The following WWOX variants were observed in gnomAD, a reference collection of about 807,000 sequenced individuals.
WWOX encodes WW domain containing oxidoreductase, also known as WW domain-containing oxidoreductase.
WWOX carries 69 observed loss-of-function variants against 46.2 expected under a neutral mutation model. The observed-to-expected ratio is 1.49, with a 90% CI of 1.23 to 1.82. WWOX has a LOEUF of 1.82. Ranked by LOEUF, WWOX falls within the 40% of genes most tolerant of loss-of-function variation. WWOX has a pLI of 0.00. For missense variants in WWOX, 919 were observed against 542.6 expected, an observed-to-expected ratio of 1.69 and a Z score of -6.89; for synonymous variants, 359 against 202.6, an observed-to-expected ratio of 1.77 and a Z score of -6.56.
intron 8 of WWOX, among the ~76,000 whole-genome samples, chr16:79,009,888 C>G (rs574122542): frequency 1.5e-4 from 23 of 152,266 alleles, no homozygotes; most frequent in African/African-American, 5.5e-4. Context: ...TGAGTCCTGA[C>G]CTGAGCTTTG....
At chr16:78,690,350 A>G (rs112840132) in intron 8 of WWOX, among the ~76,000 whole-genome samples, 154 of 152,244 alleles carry the variant, frequency 1.0e-3, no homozygotes, top group African/African-American at 3.5e-3. Context: ...GAATTGTTCA[A>G]GACTGCCCTG....
chr16:78,920,882 A>G (rs1480847630), intron 8 of WWOX, among the ~76,000 whole-genome samples: 1 of 152,218 alleles, frequency 6.6e-6, no homozygotes, highest in Non-Finnish European at 1.5e-5. Flanking sequence ...CGATGAGCAA[A>G]TGATTCCAAT....
At chr16:78,677,446 C>G (rs2047628040) in intron 8 of WWOX, among the ~76,000 whole-genome samples, 1 of 152,106 alleles carries the variant, frequency 6.6e-6, no homozygotes, top group Non-Finnish European at 1.5e-5. Flanking sequence ...AGAAGTTTCA[C>G]AAAAAAAATT....
At chr16:79,161,671 A>G (rs1209175889) in intron 8 of WWOX, among the ~76,000 whole-genome samples, 1 of 151,984 alleles carries the variant, frequency 6.6e-6, no homozygotes, top group Non-Finnish European at 1.5e-5. Flanking sequence ...TACACCCACC[A>G]CCATGCCCGG....
intron 8 of WWOX, among the ~76,000 whole-genome samples, chr16:78,658,161 T>A (rs1472212975): frequency 6.6e-6 from 1 of 152,172 alleles, no homozygotes; most frequent in African/African-American, 2.4e-5. Flanking sequence ...CAAAAACATT[T>A]GTAGATACTG....
At chr16:79,004,451 C>A (rs902011510) in intron 8 of WWOX, 1 of 152,252 alleles carries the variant, frequency 6.6e-6, no homozygotes. Flanking sequence ...GGCAAAGCTG[C>A]GGTCAGAGGC....
chr16:78,956,755 G>T (rs1266189968), intron 8 of WWOX, among the ~76,000 whole-genome samples: 1 of 152,066 alleles, frequency 6.6e-6, no homozygotes, highest in Admixed American at 6.5e-5. Context: ...CAAGAAATTT[G>T]GGATCTGCTG....
chr16:79,069,556 A>AG (rs1454963182), intron 8 of WWOX, among the ~76,000 whole-genome samples: 2 of 136,776 alleles, frequency 1.5e-5, no homozygotes, highest in South Asian at 2.3e-4. Context: ...CTTTATTGGT[A>AG]GGTTTTTTTT....
chr16:78,491,627 T>C (rs1179764003), intron 8 of WWOX, among the ~76,000 whole-genome samples: 2 of 152,142 alleles, frequency 1.3e-5, no homozygotes, highest in Non-Finnish European at 2.9e-5. Flanking sequence ...CACACCTGGC[T>C]ACCGTGTCTT....
At chr16:78,658,130 T>C (rs1306604505) in intron 8 of WWOX, among the ~76,000 whole-genome samples, 1 of 152,152 alleles carries the variant, frequency 6.6e-6, no homozygotes, top group East Asian at 1.9e-4. Flanking sequence ...GCATCTTCTA[T>C]TTCCTCAAGT....
intron 1 of WWOX, among the ~76,000 whole-genome samples, chr16:78,108,053 C>A (rs980746226): frequency 1.3e-5 from 2 of 151,588 alleles, no homozygotes; most frequent in South Asian, 2.1e-4. Context: ...CTCAGCCTCC[C>A]GAGTAGCTGG....
At chr16:78,431,822 T>A (rs1010511752) in intron 7 of WWOX, among the ~76,000 whole-genome samples, 3 of 152,014 alleles carry the variant, frequency 2.0e-5, no homozygotes, top group Admixed American at 6.6e-5. Context: ...GCTGAAGCGA[T>A]CCTCCTGCCT....
At chr16:78,561,677 G>A (rs1435265243) in intron 8 of WWOX, among the ~76,000 whole-genome samples, 1 of 152,098 alleles carries the variant, frequency 6.6e-6, no homozygotes, top group Admixed American at 6.5e-5. Context: ...GGGGGTAATT[G>A]AAGAAGATAT....
At chr16:78,822,669 TGA>T (rs1235351458) in intron 8 of WWOX, among the ~76,000 whole-genome samples, 1 of 152,128 alleles carries the variant, frequency 6.6e-6, no homozygotes, top group Admixed American at 6.5e-5. Context: ...CTTTCCATGA[TGA>T]GAGTTACATT....
chr16:78,750,835 TA>T (rs950428605), intron 8 of WWOX, among the ~76,000 whole-genome samples: 12 of 152,206 alleles, frequency 7.9e-5, no homozygotes, highest in Non-Finnish European at 1.8e-4. Context: ...TCTTCTTTTT[TA>T]TGGCTGTGTA....
At chr16:78,422,658 T>C (rs1392602334) in intron 6 of WWOX, among the ~76,000 whole-genome samples, 1 of 78,986 alleles carries the variant, frequency 1.3e-5, no homozygotes, top group Non-Finnish European at 2.2e-5. Context: ...CTGTTTTTTT[T>C]ACATGTATAT....
At chr16:79,113,226 G>A (rs1040402477) in intron 8 of WWOX, among the ~76,000 whole-genome samples, 12 of 152,238 alleles carry the variant, frequency 7.9e-5, no homozygotes, top group African/African-American at 2.7e-4. Flanking sequence ...GTGGAGAAAG[G>A]GAAGGGGAAG....
chr16:78,738,391 C>T (rs1399066345), intron 8 of WWOX, among the ~76,000 whole-genome samples: 3 of 152,128 alleles, frequency 2.0e-5, no homozygotes, highest in African/African-American at 4.8e-5. Context: ...TTTGAAGATT[C>T]TCCCTGTGTA....
intron 8 of WWOX, among the ~76,000 whole-genome samples, chr16:78,719,915 T>A (rs997460159): frequency 6.6e-6 from 1 of 152,188 alleles, no homozygotes; most frequent in Non-Finnish European, 1.5e-5. Flanking sequence ...TTTGCAGTTT[T>A]ATTCATTTTA....
Sources: gnomAD v4.1 joint callset for allele counts (sites outside exome capture counted in the v4.1 genomes callset) on GRCh38, gnomAD v4.1.1 for gene constraint, MANE v1.5 for transcripts, NCBI Gene and HGNC (gene_info 2026-07-23, HGNC 2026-07-21) for gene names.